Variants in LMBRD1 observed in about 807,000 individuals in gnomAD.
LMBRD1 encodes lysosomal cobalamin transport escort protein LMBD1.
In LMBRD1, 64 loss-of-function variants were observed where a neutral mutation model predicts 74.8. The ratio of observed to expected loss-of-function variants is 0.86; its 90% CI spans 0.70 to 1.05. The LOEUF is 1.05. LMBRD1 is among the 50% of genes least tolerant of loss of function. The pLI, the probability that LMBRD1 is intolerant of heterozygous loss-of-function variation, is 0.00. For synonymous variants in LMBRD1, 204 were observed against 216.3 expected (o/e 0.94, Z 0.50); for missense variants, 652 against 645.9 (o/e 1.01, Z -0.10).
At chr6:69,741,147 A>G (rs1049201814) in intron 6 of LMBRD1, among the ~76,000 whole-genome samples, 4 of 152,122 alleles carry the variant, frequency 2.6e-5, no homozygotes, top group African/African-American at 9.6e-5. Context: ...TTTCTTTAAC[A>G]TATTATTTTA....
intron 9 of LMBRD1, chr6:69,706,107 T>C (rs1053555033): frequency 2.9e-5 from 18 of 630,486 alleles, no homozygotes; most frequent in Non-Finnish European, 4.7e-5. Flanking sequence ...CACAACCAAA[T>C]AGATAGTTCC....
chr6:69,724,801 T>C lies in LMBRD1; in HGVS notation c.637-5720A>G, dbSNP rs115655526. 6.2e-3 allele frequency among the ~76,000 whole-genome samples: 949 copies of C among 152,042 alleles called. 14 individuals carry two copies. The highest frequency in any genetic ancestry group is 0.02 in the African/African-American group (811 of 41,528). The stretch of plus-strand genomic sequence containing the variant: ...AAAAACTGAAAGCCTTTCTTCTTAG[T>C]TCTGGAGCAAGACAAGGATGCTCAC... On this transcript the variant is annotated intron_variant, in intron 7 of 15. Coordinates refer to ENST00000649934, the MANE Select transcript of LMBRD1 (RefSeq NM_018368.4).
chr6:69,766,850 T>A (rs1482833339), intron 3 of LMBRD1, among the ~76,000 whole-genome samples: 4 of 151,726 alleles, frequency 2.6e-5, no homozygotes, highest in Non-Finnish European at 5.9e-5. Flanking sequence ...AATCTAGGTA[T>A]GGGGTTCTCT....
chr6:69,696,443 T>C (rs947426542), intron 14 of LMBRD1, among the ~76,000 whole-genome samples: 1 of 152,178 alleles, frequency 6.6e-6, no homozygotes, highest in Non-Finnish European at 1.5e-5. Flanking sequence ...AACACTTCAT[T>C]ACCTCTTTAG....
chr6:69,741,576 G>A (rs988278478), intron 6 of LMBRD1, among the ~76,000 whole-genome samples: 21 of 152,104 alleles, frequency 1.4e-4, no homozygotes, highest in African/African-American at 3.9e-4. Flanking sequence ...AGCAGAGACG[G>A]GGTTTGGCCA....
chr6:69,747,301 C>T (rs949802309), intron 5 of LMBRD1, among the ~76,000 whole-genome samples: 2 of 152,134 alleles, frequency 1.3e-5, no homozygotes, highest in African/African-American at 2.4e-5. Context: ...CATGTGAAGA[C>T]AGAGCAAGAA....
intron 14 of LMBRD1, among the ~76,000 whole-genome samples, chr6:69,687,278 C>A (rs1232786618): frequency 6.6e-6 from 1 of 152,108 alleles, no homozygotes. Context: ...TTCTCCTGTA[C>A]CTAAAATTTC....
chr6:69,750,863 A>C (rs1047148417), intron 4 of LMBRD1, among the ~76,000 whole-genome samples: 2 of 152,198 alleles, frequency 1.3e-5, no homozygotes, highest in East Asian at 3.8e-4. Flanking sequence ...CATTTAAAAT[A>C]CTGTTAATTT....
At chr6:69,681,198 CA>C (rs1765653643) in intron 14 of LMBRD1, among the ~76,000 whole-genome samples, 1 of 151,312 alleles carries the variant, frequency 6.6e-6, no homozygotes, top group Admixed American at 6.6e-5. Context: ...AGTGGCCATA[CA>C]AAAAAGAATT....
At chr6:69,690,204 G>C (rs2149838892) in intron 14 of LMBRD1, among the ~76,000 whole-genome samples, 1 of 151,816 alleles carries the variant, frequency 6.6e-6, no homozygotes, top group East Asian at 1.9e-4. Flanking sequence ...CATTCTCTTG[G>C]AGAGTTCTCA....
Position 69,795,789 on chromosome 6 carries a change from A to C in LMBRD1, c.69+1024T>G, listed in dbSNP as rs199989123. On this transcript the variant is annotated intron_variant, in intron 1 of 15. Coordinates refer to ENST00000649934, the MANE Select transcript of LMBRD1 (RefSeq NM_018368.4). ...AATTTTCACACCATTCTTTTCTTTTATTTTCTTTTTTTAGTCTCTACTGCA... is the reference window on the plus strand; with the variant it reads ...AATTTTCACACCATTCTTTTCTTTTCTTTTCTTTTTTTAGTCTCTACTGCA... Among the ~76,000 whole-genome samples, 45 of 152,124 alleles carry C rather than the reference A, an allele frequency of 3.0e-4. 1 individual carries two copies. In the East Asian group the frequency reaches 7.9e-3, roughly 27 times the overall value.
At chr6:69,722,852 A>C (rs1766646469) in intron 7 of LMBRD1, among the ~76,000 whole-genome samples, 1 of 152,210 alleles carries the variant, frequency 6.6e-6, no homozygotes, top group Non-Finnish European at 1.5e-5. Flanking sequence ...AACAACACTG[A>C]ATGTAAATGG....
At chr6:69,739,440 T>C (rs994760775) in intron 6 of LMBRD1, among the ~76,000 whole-genome samples, 32 of 151,912 alleles carry the variant, frequency 2.1e-4, no homozygotes, top group Non-Finnish European at 3.8e-4. Flanking sequence ...TAAATCCTAT[T>C]GTAAACAAGT....
At chr6:69,740,704 T>G (rs1052710020) in intron 6 of LMBRD1, among the ~76,000 whole-genome samples, 2 of 152,182 alleles carry the variant, frequency 1.3e-5, no homozygotes, top group East Asian at 1.9e-4. Context: ...AAGTGCTGAT[T>G]AAAGAATGTA....
At position 69,790,383 on chromosome 6, in the gene LMBRD1, A is replaced by C; in HGVS notation, c.159T>G (p.Ser53=). 6.2e-7 allele frequency: 1 copy of C among 1,613,816 alleles called. No individual in the cohort carries two copies. The highest frequency in any genetic ancestry group is 8.5e-7 in the Non-Finnish European group (1 of 1,179,726). The change falls in exon 2 of 16, where the codon TCT becomes TCG. Residue 53 remains serine, a synonymous_variant. Transcript: ENST00000649934. ...CTGATGTGATAAGTGCAATTGCTAG[A>C]GAAAAAATTGCTGTTATGGTGGAGA... ...EVVSTITAIF[S]LAIALITSAL...
At chr6:69,790,177 G>C in intron 2 of LMBRD1, 119 bp downstream of exon 2, 1 of 729,472 alleles carries the variant, frequency 1.4e-6, no homozygotes, top group Admixed American at 2.2e-5. Flanking sequence ...CAGCTTCTAT[G>C]TTGTATTTCC....
intron 3 of LMBRD1, among the ~76,000 whole-genome samples, chr6:69,754,586 T>C (rs972305976): frequency 6.6e-5 from 10 of 152,228 alleles, no homozygotes; most frequent in Non-Finnish European, 1.2e-4. Flanking sequence ...TGCAGGCTTT[T>C]AATATTATGA....
At chr6:69,682,021 T>C (rs1021611070) in intron 14 of LMBRD1, among the ~76,000 whole-genome samples, 2 of 151,714 alleles carry the variant, frequency 1.3e-5, no homozygotes, top group African/African-American at 2.4e-5. Flanking sequence ...AAGAAAAAAG[T>C]TGGGATCTGT....
At chr6:69,757,384 A>G (rs762363437) in intron 3 of LMBRD1, among the ~76,000 whole-genome samples, 1 of 152,236 alleles carries the variant, frequency 6.6e-6, no homozygotes, top group Non-Finnish European at 1.5e-5. Flanking sequence ...AATGAAGTGG[A>G]GAACAGACAC....
Sources: gnomAD v4.1 joint callset for allele counts (sites outside exome capture counted in the v4.1 genomes callset) on GRCh38, gnomAD v4.1.1 for gene constraint, MANE v1.5 for transcripts, NCBI Gene and HGNC (gene_info 2026-07-23, HGNC 2026-07-21) for gene names.